Variants in CNOT4 observed in about 807,000 individuals in gnomAD.
CNOT4 encodes CCR4-NOT transcription complex subunit 4, also known as CCR4-associated factor 4.
CNOT4 carries 8 observed loss-of-function variants against 73.8 expected under a neutral mutation model. That is an observed-to-expected ratio of 0.11 (90% CI 0.06 to 0.20). The LOEUF (loss-of-function observed/expected upper bound fraction) is 0.20, where lower values mean the gene tolerates loss of function less well. Ranked by LOEUF, CNOT4 falls within the 10% of genes least tolerant of loss-of-function variation. CNOT4 has a pLI of 1.00. For synonymous variants in CNOT4, 293 were observed against 321.1 expected (o/e 0.91, Z 0.94); for missense variants, 564 against 883.4 (o/e 0.64, Z 4.58).
chr7:135,436,041 T>C (rs1445292799), intron 2 of CNOT4, among the ~76,000 whole-genome samples: 1 of 152,076 alleles, frequency 6.6e-6, no homozygotes, highest in Non-Finnish European at 1.5e-5. Context: ...AGCAGTTTTC[T>C]CTTGAGCTGA....
At chr7:135,381,358 A>G (rs752484030) in intron 10 of CNOT4, among the ~76,000 whole-genome samples, 24 of 152,248 alleles carry the variant, frequency 1.6e-4, no homozygotes, top group Non-Finnish European at 3.1e-4. Context: ...AAGGCTAATT[A>G]AATGTCATGA....
rs1053018384 is a variant in CNOT4, at chr7:135,510,086, T to C, written c.-290A>G. ...AGCCAGACGGGCCACCATCTTACAT[T>C]AGGGTAAGACTCCTCCGGCCTCCCG... On this transcript the variant is annotated 5_prime_UTR_variant, in exon 1 of 12. Transcript: ENST00000541284. 2.5e-6 allele frequency: 1 copy of C among 398,860 alleles called. No individual in the cohort carries two copies. Among genetic ancestry groups the C allele is most frequent in the Admixed American group, 4.4e-5 (1 of 22,726 alleles). The allele number at this position is 398,860 out of a possible 1,614,324, so 24.7% of individuals were successfully genotyped here.
intron 7 of CNOT4, among the ~76,000 whole-genome samples, chr7:135,408,501 T>G (rs528983116): frequency 6.6e-6 from 1 of 152,178 alleles, no homozygotes; most frequent in Non-Finnish European, 1.5e-5. Context: ...CAAATTTACA[T>G]TTTACAATAA....
chr7:135,505,499 C>A (rs1197124825), intron 1 of CNOT4, among the ~76,000 whole-genome samples: 1 of 152,090 alleles, frequency 6.6e-6, no homozygotes, highest in African/African-American at 2.4e-5. Context: ...CTTCAGTGAG[C>A]CGAGATCGTG....
intron 10 of CNOT4, among the ~76,000 whole-genome samples, chr7:135,372,716 C>A (rs541698460): frequency 6.6e-6 from 1 of 152,178 alleles, no homozygotes; most frequent in South Asian, 2.1e-4. Flanking sequence ...ACCATCACAC[C>A]CGGCTAATTT....
At chr7:135,430,735 T>A (rs1257395005) in intron 2 of CNOT4, among the ~76,000 whole-genome samples, 1 of 152,154 alleles carries the variant, frequency 6.6e-6, no homozygotes, top group African/African-American at 2.4e-5. Context: ...AAAAAGGTAT[T>A]TGGCAAAATT....
chr7:135,472,912 A>G (rs149250804), intron 1 of CNOT4, among the ~76,000 whole-genome samples: 1 of 152,016 alleles, frequency 6.6e-6, no homozygotes, highest in Non-Finnish European at 1.5e-5. Flanking sequence ...ATGGTGGCAT[A>G]TGCCTACAGT....
At chr7:135,490,885 A>G (rs1031026440) in intron 1 of CNOT4, among the ~76,000 whole-genome samples, 4 of 152,262 alleles carry the variant, frequency 2.6e-5, no homozygotes, top group Admixed American at 2.0e-4. Flanking sequence ...GGCTGCTGCC[A>G]TTACCCAGCA....
At chr7:135,381,305 GGGCTA>G in intron 10 of CNOT4, among the ~76,000 whole-genome samples, 1 of 152,246 alleles carries the variant, frequency 6.6e-6, no homozygotes, top group Middle Eastern at 3.4e-3. Flanking sequence ...TGCATATAGA[GGGCTA>G]GGCTTATGGT....
chr7:135,501,513 A>G (rs1803965635), intron 1 of CNOT4, among the ~76,000 whole-genome samples: 1 of 152,184 alleles, frequency 6.6e-6, no homozygotes, highest in Admixed American at 6.5e-5. Flanking sequence ...CGTCTCTCAG[A>G]ATAGCTCCTT....
chr7:135,413,521 A>C lies in CNOT4; in HGVS notation c.654T>G (p.Asp218Glu). ...CCTCTTTTGTGAAGCTGGCCGCCTC[A>C]TCCCCCAATTCATGAAGATACATGC... ...PDCMYLHELG[D>E]EAASFTKEEM... is the part of the protein sequence containing the mutation. Residue 218 changes from aspartate (D) to glutamate (E), a missense_variant, in exon 6 of 12, where the codon GAT becomes GAG. Physicochemically the swap from Asp to Glu is conservative, Grantham distance 45 (BLOSUM62 2). Transcript: ENST00000541284. The C allele has an allele frequency of 1.2e-6, 2 of 1,612,096 alleles. No homozygotes were observed. The highest frequency in any genetic ancestry group is 1.7e-5 in the Admixed American group (1 of 59,904).
chr7:135,457,317 G>T (rs1038082124), intron 1 of CNOT4, among the ~76,000 whole-genome samples: 1 of 151,788 alleles, frequency 6.6e-6, no homozygotes, highest in East Asian at 1.9e-4. Flanking sequence ...GGAGACAAAG[G>T]GAAAGAGAAA....
chr7:135,393,008 G>C, intron 10 of CNOT4, among the ~76,000 whole-genome samples: 1 of 152,180 alleles, frequency 6.6e-6, no homozygotes, highest in African/African-American at 2.4e-5. Context: ...TATTCTAACA[G>C]AGTGAGAAAC....
chr7:135,388,996 T>C (rs1054434152), intron 10 of CNOT4: 2 of 1,104,350 alleles, frequency 1.8e-6, no homozygotes, highest in Non-Finnish European at 2.6e-6. Flanking sequence ...ATATATAAAA[T>C]ACATGCTTAA....
At chr7:135,414,940 C>A (rs1797777312) in intron 4 of CNOT4, among the ~76,000 whole-genome samples, 1 of 151,996 alleles carries the variant, frequency 6.6e-6, no homozygotes, top group Admixed American at 6.6e-5. Flanking sequence ...CTCACCTCCC[C>A]CTCCCTTTCA....
In CNOT4 at chr7:135,363,371, C is replaced by A. The variant is rs1351386644; in HGVS notation, c.1841-185G>T. On this transcript the variant is annotated intron_variant, in intron 11 of 11. Transcript: ENST00000541284. This position sits in a 1 kb window ranked among gnomAD's most constrained non-coding sequence, Gnocchi z 4.3. ...AACAAAGAACTTATTGGCACACAAA[C>A]CCATGCCTCCTCTTGAACTAGACTT... 6.6e-6 allele frequency among the ~76,000 whole-genome samples: 1 copy of A among 152,162 alleles called. No individual in the cohort carries two copies. Among genetic ancestry groups the A allele is most frequent in the East Asian group, 1.9e-4 (1 of 5,200 alleles).
In CNOT4 at chr7:135,487,708, A is replaced by T. The variant is rs187233562; in HGVS notation, c.-93+22181T>A. ...GCTATTATCTCATGCATTGCTTTTTAAAAAAAAATCAGAATTGATATTAGA... is the reference window on the plus strand; with the variant it reads ...GCTATTATCTCATGCATTGCTTTTTTAAAAAAAATCAGAATTGATATTAGA... On this transcript the variant is annotated intron_variant, in intron 1 of 11. Coordinates refer to ENST00000541284, the MANE Select transcript of CNOT4 (RefSeq NM_001190850.2). Among the ~76,000 whole-genome samples, 84 of 151,522 alleles carry T rather than the reference A, an allele frequency of 5.5e-4. No homozygotes were observed. In the East Asian group the frequency reaches 0.011, roughly 20 times the overall value.
intron 1 of CNOT4, among the ~76,000 whole-genome samples, chr7:135,487,328 C>T (rs910682973): frequency 7.9e-5 from 12 of 152,032 alleles, no homozygotes; most frequent in African/African-American, 2.9e-4. Flanking sequence ...GCCTTGATCT[C>T]CCAGACTCAA....
intron 10 of CNOT4, among the ~76,000 whole-genome samples, chr7:135,391,052 G>A (rs561535181): frequency 4.5e-4 from 68 of 152,154 alleles, no homozygotes; most frequent in African/African-American, 1.5e-3. Flanking sequence ...AGGTGCAAGT[G>A]AGTTAGAACA....
Sources: allele counts gnomAD v4.1 joint callset (sites outside exome capture counted in the v4.1 genomes callset), GRCh38; gene constraint gnomAD v4.1.1; non-coding constraint Gnocchi (gnomAD v3.1); transcripts MANE v1.5; gene names NCBI Gene and HGNC (gene_info 2026-07-23, HGNC 2026-07-21).